The following CIB1 variants were observed in gnomAD, a reference collection of about 807,000 sequenced individuals.
The protein encoded by CIB1 is calcium and integrin-binding protein 1.
CIB1 carries 19 observed loss-of-function variants against 25.0 expected under a neutral mutation model. That is an observed-to-expected ratio of 0.76 (90% CI 0.53 to 1.12). The LOEUF is 1.12. CIB1 is among the 50% of genes most tolerant of loss of function. The pLI is 0.00. For missense variants in CIB1, 236 were observed against 242.6 expected, an observed-to-expected ratio of 0.97 and a Z score of 0.18; for synonymous variants, 104 against 98.5, an observed-to-expected ratio of 1.06 and a Z score of -0.33.
chr15:90,251,004 C>A, the CIB1 span: 2 of 1,344,542 alleles, frequency 1.5e-6, no homozygotes, highest in Non-Finnish European at 2.0e-6. Flanking sequence ...CAAAAGAGGA[C>A]AGGAAATGCT....
chr15:90,234,984 C>T (rs1422996292), upstream of CIB1, among the ~76,000 whole-genome samples: 1 of 152,204 alleles, frequency 6.6e-6, no homozygotes, highest in African/African-American at 2.4e-5. Flanking sequence ...ATTATACTTG[C>T]TGATCTTTGT....
At chr15:90,263,099 T>G in the CIB1 span, 9 of 1,535,980 alleles carry the variant, frequency 5.9e-6, no homozygotes, top group Non-Finnish European at 7.8e-6. Context: ...CTCACCCGTC[T>G]GCAGCACCCT....
chr15:90,263,649 C>T, the CIB1 span: 3 of 604,710 alleles, frequency 5.0e-6, no homozygotes, highest in Admixed American at 2.9e-5. Flanking sequence ...TGGCCGCGGC[C>T]TAGAAGAGAT....
chr15:90,238,968 G>A (rs147204972), upstream of CIB1, among the ~76,000 whole-genome samples: 186 of 152,218 alleles, frequency 1.2e-3, no homozygotes, highest in African/African-American at 4.0e-3. Flanking sequence ...CCTGAGCCAT[G>A]GACCTACTCT....
the CIB1 span, among the ~76,000 whole-genome samples, chr15:90,251,152 C>T: frequency 1.5e-4 from 18 of 117,822 alleles, 3 homozygotes; most frequent in South Asian, 4.1e-3. Context: ...CTCGCTCTGT[C>T]GCCCAGGCTG....
chr15:90,258,857 G>A, the CIB1 span: 8 of 1,614,080 alleles, frequency 5.0e-6, no homozygotes, highest in Non-Finnish European at 6.8e-6. Context: ...CAAAAGGAAG[G>A]TGATGGAGGA....
In CIB1 at chr15:90,230,614, CGT is replaced by C. The variant is rs1241680892; in HGVS notation, c.555-111_555-110del. On this transcript the variant is annotated intron_variant, in intron 6 of 6. Transcript: ENST00000328649. ...CCCTTCTTTGGAACGGGCTATGTTC[CGT>C]GTGTCAGCCCCCTCTGCAAGAACTC... 3.0e-5 allele frequency: 36 copies of C among 1,188,316 alleles called. No homozygotes were observed. In the Admixed American group the frequency reaches 6.3e-4, roughly 21 times the overall value. 73.6% of individuals were successfully genotyped at this position (1,188,316 alleles called of 1,614,324 possible). A position where few individuals can be genotyped will look rare whatever the true frequency, so the allele number is the denominator to read the frequency against.
intron 3 of CIB1, among the ~76,000 whole-genome samples, chr15:90,231,932 C>G (rs988176491): frequency 4.6e-5 from 7 of 152,244 alleles, no homozygotes; most frequent in Non-Finnish European, 1.0e-4. Flanking sequence ...CTCTAGAACA[C>G]GGTTCCTCAA....
At chr15:90,262,941 C>T in the CIB1 span, 1 of 1,530,066 alleles carries the variant, frequency 6.5e-7, no homozygotes, top group Non-Finnish European at 8.7e-7. Context: ...GGAGATCCTG[C>T]ATTTATCTCT....
the CIB1 span, chr15:90,250,632 T>C: frequency 6.2e-7 from 1 of 1,612,412 alleles, no homozygotes; most frequent in South Asian, 1.1e-5. Flanking sequence ...TCTGAGAGAA[T>C]GGAGCCGAGT....
chr15:90,231,100 C>G lies in CIB1; in HGVS notation c.460G>C (p.Asp154His), dbSNP rs201298867. 108 of 1,613,812 alleles carry G rather than the reference C, an allele frequency of 6.7e-5. No individual in the cohort carries two copies. Among genetic ancestry groups the G allele is most frequent in the Non-Finnish European group, 8.6e-5 (102 of 1,179,798 alleles). The change falls in exon 5 of 7, where the codon GAC (aspartate) becomes CAC (histidine). Residue 154 changes from aspartate (D) to histidine (H), a missense_variant. By Grantham distance (81) the Asp-to-His change is moderately conservative (BLOSUM62 -1). Transcript: ENST00000328649. ...AGGCCTGCTCAGCTGCTCACGTTGT[C>G]GATGAGCTGCTTCATCTCAGACGCA... ...LSASEMKQLI[D>H]NILEESDIDR...
chr15:90,257,524 G>A, the CIB1 span: 8 of 1,071,540 alleles, frequency 7.5e-6, no homozygotes, highest in Middle Eastern at 2.5e-4. Flanking sequence ...CTGGTGGAGA[G>A]AGACAGGAGA....
At chr15:90,231,688 C>T (rs1962497349) in intron 3 of CIB1, among the ~76,000 whole-genome samples, 181 bp from the exon 4 acceptor site, 1 of 152,202 alleles carries the variant, frequency 6.6e-6, no homozygotes, top group Admixed American at 6.5e-5. Context: ...ACTGACCCAG[C>T]TGGGGAAGGG....
chr15:90,231,619 G>A, intron 3 of CIB1, 112 bp from the exon 4 acceptor site: 12 of 1,273,952 alleles, frequency 9.4e-6, no homozygotes, highest in Non-Finnish European at 1.3e-5. Context: ...AGCCTCGTGG[G>A]GGTGAACAGT....
the CIB1 span, among the ~76,000 whole-genome samples, chr15:90,256,570 TTTCTTTC>T: frequency 1.1e-4 from 4 of 36,386 alleles, 1 homozygote; most frequent in African/African-American, 3.4e-4. Flanking sequence ...TCTTTCTTTC[TTTCTTTC>T]TTTCTTTCTT....
chr15:90,230,602 C>T lies in CIB1; in HGVS notation c.555-97G>A, dbSNP rs1003482517. The T allele has an allele frequency of 1.0e-4, 132 of 1,322,456 alleles. 2 individuals carry two copies. Among genetic ancestry groups the T allele is most frequent in the South Asian group, 7.1e-4 (56 of 78,762 alleles). 81.9% of individuals were successfully genotyped at this position (1,322,456 alleles called of 1,614,324 possible). Reference sequence around the variant, plus strand: ...TCTCCCTTTAGACCCTTCTTTGGAACGGGCTATGTTCCGTGTGTCAGCCCC... The same window carrying T: ...TCTCCCTTTAGACCCTTCTTTGGAATGGGCTATGTTCCGTGTGTCAGCCCC... On this transcript the variant is annotated intron_variant, in intron 6 of 6. Coordinates refer to ENST00000328649, the MANE Select transcript of CIB1 (RefSeq NM_006384.4).
At chr15:90,244,541 G>A in the CIB1 span, 2 of 152,164 alleles carry the variant, frequency 1.3e-5, no homozygotes, top group Non-Finnish European at 2.9e-5. Flanking sequence ...GAAGTCTTGG[G>A]TTGGCTGGGC....
chr15:90,251,280 AT>A, the CIB1 span, among the ~76,000 whole-genome samples: 2,005 of 109,488 alleles, frequency 0.018, 72 homozygotes, highest in African/African-American at 0.062. Context: ...CGCATGGCAA[AT>A]TTTTTTTTTT....
chr15:90,262,983 G>T, the CIB1 span: 1 of 1,535,892 alleles, frequency 6.5e-7, no homozygotes, highest in Non-Finnish European at 8.7e-7. Context: ...CGGGACAGCT[G>T]GACACCATGA....
Sources: allele counts gnomAD v4.1 joint callset (sites outside exome capture counted in the v4.1 genomes callset), GRCh38; gene constraint gnomAD v4.1.1; transcripts MANE v1.5; gene names NCBI Gene and HGNC (gene_info 2026-07-23, HGNC 2026-07-21).